RRAGD: variants seen among roughly 807,000 people sequenced by gnomAD.
RRAGD encodes ras-related GTP-binding protein D.
RRAGD carries 12 observed loss-of-function variants against 35.5 expected under a neutral mutation model. The ratio of observed to expected loss-of-function variants is 0.34; its 90% CI spans 0.22 to 0.55. The LOEUF (loss-of-function observed/expected upper bound fraction) is 0.55, where lower values mean the gene tolerates loss of function less well. RRAGD is among the 20% of genes least tolerant of loss of function. The probability of loss-of-function intolerance (pLI) is 0.91; values close to 1 mark genes in which losing one functional copy is unlikely to be tolerated. For synonymous variants in RRAGD, 155 were observed against 178.9 expected (o/e 0.87, Z 1.07); for missense variants, 324 against 490.1 (o/e 0.66, Z 3.20).
chr6:89,369,350 T>C (rs917421965), intron 6 of RRAGD, among the ~76,000 whole-genome samples: 3 of 152,248 alleles, frequency 2.0e-5, no homozygotes, highest in African/African-American at 7.2e-5. Context: ...AGCCTCAAGA[T>C]TCTCTGCTTT....
intron 1 of RRAGD, among the ~76,000 whole-genome samples, chr6:89,391,481 T>C (rs927865261): frequency 2.6e-5 from 4 of 151,940 alleles, no homozygotes; most frequent in South Asian, 2.1e-4. Context: ...AAAATAATAA[T>C]GCTAAGTGAA....
intron 5 of RRAGD, among the ~76,000 whole-genome samples, chr6:89,376,302 T>G (rs9342194): frequency 0.061 from 1,158 of 18,852 alleles, 11 homozygotes; most frequent in African/African-American, 0.39. Flanking sequence ...GTGTGTGTGG[T>G]GTGTGTGTGT....
At chr6:89,369,186 T>C (rs1768816462) in intron 6 of RRAGD, among the ~76,000 whole-genome samples, 1 of 152,206 alleles carries the variant, frequency 6.6e-6, no homozygotes, top group African/African-American at 2.4e-5. Flanking sequence ...TAGTGCCCTC[T>C]GCTGCTTCTG....
chr6:89,379,415 G>A (rs577957855), intron 3 of RRAGD, 77 bp from the exon 4 acceptor site: 15 of 685,344 alleles, frequency 2.2e-5, no homozygotes, highest in South Asian at 5.5e-5. Flanking sequence ...TCAAAACACC[G>A]GTAATCTGCC....
At chr6:89,390,396 TA>T (rs1002808372) in intron 1 of RRAGD, among the ~76,000 whole-genome samples, 15 of 152,098 alleles carry the variant, frequency 9.9e-5, no homozygotes, top group Non-Finnish European at 2.2e-4. Flanking sequence ...TAAAGGCCAA[TA>T]CACATATGAA....
chr6:89,380,330 G>A lies in RRAGD; in HGVS notation c.482C>T (p.Thr161Met), dbSNP rs770712616. The A allele has an allele frequency of 4.3e-6, 7 of 1,614,226 alleles. No homozygotes were observed. Among genetic ancestry groups the A allele is most frequent in the Non-Finnish European group, 5.1e-6 (6 of 1,180,030 alleles). The part of the protein sequence containing the change: ...YMEALARLHL[T>M]VTRAYKVNTD... Reference sequence around the variant, plus strand: ...ATTCACTTTGTAGGCCCTGGTCACCGTGAGGTGGAGCCTGGCCAGGGCTTC... The same window carrying A: ...ATTCACTTTGTAGGCCCTGGTCACCATGAGGTGGAGCCTGGCCAGGGCTTC... Residue 161 changes from threonine to methionine, a missense_variant, in exon 3 of 7, where the codon ACG becomes ATG. Physicochemically the swap from Thr to Met is moderately conservative, Grantham distance 81. This residue lies in a region of RRAGD where 152 missense variants were observed against 296.9 expected (regional missense o/e 0.51). Transcript: ENST00000369415.
At position 89,370,736 on chromosome 6, in the gene RRAGD, C is replaced by T. The variant is rs955970498; in HGVS notation, c.1051+1701G>A. On this transcript the variant is annotated intron_variant, in intron 6 of 6. Coordinates refer to ENST00000369415, the MANE Select transcript of RRAGD (RefSeq NM_021244.5). ...TTAAAATGATGTGGTTAAAAAAAGA[C>T]GGTGAATTGGAAACATGTCTGTAAT... Among the ~76,000 whole-genome samples the T allele has an allele frequency of 2.6e-5, 4 of 151,850 alleles. No individual in the cohort carries two copies. In the East Asian group the frequency reaches 7.7e-4, roughly 29 times the overall value.
chr6:89,368,177 C>T lies in RRAGD; in HGVS notation c.1082G>A (p.Arg361Gln), dbSNP rs758617513. 6.2e-6 allele frequency: 10 copies of T among 1,613,608 alleles called. No homozygotes were observed. Among genetic ancestry groups the T allele is most frequent in the African/African-American group, 1.3e-5 (1 of 74,962 alleles). ...CTCAAAAACTTCATGAATGGCCTTC[C>T]GGAAGCAATGAAAATTATAGTCAAT... ...GLIDYNFHCFRKAIHEVFEVR... is the reference protein window; with the variant it reads ...GLIDYNFHCFQKAIHEVFEVR... Residue 361 changes from arginine (R) to glutamine (Q), a missense_variant, in exon 7 of 7, where the codon CGG (arginine) becomes CAG (glutamine). Transcript: ENST00000369415.
intron 4 of RRAGD, among the ~76,000 whole-genome samples, chr6:89,378,367 T>C (rs1768983991): frequency 6.6e-6 from 1 of 152,106 alleles, no homozygotes; most frequent in African/African-American, 2.4e-5. Flanking sequence ...TTGAGCAATA[T>C]TTCCTAACTC....
At chr6:89,387,643 T>C in intron 1 of RRAGD, 53 bp from the exon 2 acceptor site, 1 of 1,498,288 alleles carries the variant, frequency 6.7e-7, no homozygotes, top group Admixed American at 2.0e-5. Flanking sequence ...CAGAGGTTAA[T>C]TAGAGGAGTT....
chr6:89,393,189 G>T (rs1047110927), intron 1 of RRAGD, among the ~76,000 whole-genome samples: 1 of 152,188 alleles, frequency 6.6e-6, no homozygotes, highest in African/African-American at 2.4e-5. Flanking sequence ...ATGAAACATG[G>T]ATAGTTAAGT....
At chr6:89,409,195 T>C (rs955656681) in intron 1 of RRAGD, among the ~76,000 whole-genome samples, 2 of 152,242 alleles carry the variant, frequency 1.3e-5, no homozygotes, top group Admixed American at 6.5e-5. Flanking sequence ...TCCTACAGAC[T>C]GAGGGAAATG....
chr6:89,392,245 G>A (rs950347908), intron 1 of RRAGD, among the ~76,000 whole-genome samples: 1 of 151,898 alleles, frequency 6.6e-6, no homozygotes, highest in Non-Finnish European at 1.5e-5. Context: ...AGGCTGAGGT[G>A]GGAGGATCAC....
chr6:89,406,343 A>G (rs1769578437), intron 1 of RRAGD, among the ~76,000 whole-genome samples: 1 of 152,064 alleles, frequency 6.6e-6, no homozygotes, highest in Non-Finnish European at 1.5e-5. Flanking sequence ...AAATGTTGCA[A>G]GACCACCGTG....
At chr6:89,400,487 T>G (rs1205283740) in intron 1 of RRAGD, among the ~76,000 whole-genome samples, 1 of 151,608 alleles carries the variant, frequency 6.6e-6, no homozygotes, top group African/African-American at 2.4e-5. Context: ...CCCTCTAATC[T>G]CCTCTCACCC....
chr6:89,396,049 A>G (rs1340665157), intron 1 of RRAGD, among the ~76,000 whole-genome samples: 1 of 152,170 alleles, frequency 6.6e-6, no homozygotes. Context: ...TGAAACTTCT[A>G]GGGTAAAATA....
rs9359849 is a variant in RRAGD, at chr6:89,365,987, G to C, written c.*2069C>G. On this transcript the variant is annotated 3_prime_UTR_variant, in exon 7 of 7. Transcript: ENST00000369415. The stretch of plus-strand genomic sequence containing the variant: ...CAGGTCTGTTGGCAAAGGTCCAACA[G>C]GATATAGCTCTGGAAATCAGGGAGC... The C allele has an allele frequency of 0.044, 6,747 of 152,202 alleles. 409 individuals are homozygous for C. Among genetic ancestry groups the C allele is most frequent in the East Asian group, 0.27 (1,406 of 5,180 alleles). The allele number at this position is 152,202 out of a possible 1,614,324, so 9.4% of individuals were successfully genotyped here. A position where few individuals can be genotyped will look rare whatever the true frequency, so the allele number is the denominator to read the frequency against.
intron 1 of RRAGD, among the ~76,000 whole-genome samples, chr6:89,398,187 G>C (rs1769377928): frequency 6.6e-6 from 1 of 152,120 alleles, no homozygotes; most frequent in African/African-American, 2.4e-5. Flanking sequence ...GCAGTAGGCA[G>C]TAAGGAAAGG....
At chr6:89,389,282 C>T (rs1292479149) in intron 1 of RRAGD, among the ~76,000 whole-genome samples, 2 of 152,058 alleles carry the variant, frequency 1.3e-5, no homozygotes, top group African/African-American at 2.4e-5. Context: ...GTGGGCCGGG[C>T]GCATGGCTCA....
Sources: allele counts gnomAD v4.1 joint callset (sites outside exome capture counted in the v4.1 genomes callset), GRCh38; gene constraint gnomAD v4.1.1; regional missense constraint gnomAD v4.1.1; transcripts MANE v1.5; gene names NCBI Gene and HGNC (gene_info 2026-07-23, HGNC 2026-07-21).